The following ZNF423 variants were observed in gnomAD, a reference collection of about 807,000 sequenced individuals.
The protein encoded by ZNF423 is zinc finger protein 423.
Under a neutral mutation model 95.8 loss-of-function variants are expected in ZNF423, and 12 were observed. That is an observed-to-expected ratio of 0.13 (90% CI 0.08 to 0.20). The LOEUF is 0.20. Ranked by LOEUF, ZNF423 falls within the 10% of genes least tolerant of loss-of-function variation. The probability of loss-of-function intolerance (pLI) is 1.00; values close to 1 mark genes in which losing one functional copy is unlikely to be tolerated. For missense variants in ZNF423, 1,316 were observed against 1,737.1 expected (o/e 0.76, Z 4.31); for synonymous variants, 749 against 711.9 (o/e 1.05, Z -0.83).
chr16:49,832,588 G>T (rs184351560), intron 1 of ZNF423, among the ~76,000 whole-genome samples: 17 of 152,304 alleles, frequency 1.1e-4, no homozygotes, highest in Admixed American at 9.8e-4. Context: ...GAAGGGTACA[G>T]CCAAAAGATG....
intron 5 of ZNF423, among the ~76,000 whole-genome samples, chr16:49,596,257 C>T (rs1308037082): frequency 6.6e-6 from 1 of 152,200 alleles, no homozygotes; most frequent in Non-Finnish European, 1.5e-5. Context: ...ATAGATTTGT[C>T]AAAGGAGCAC....
At chr16:49,555,849 A>AT (rs1969806340) in intron 5 of ZNF423, among the ~76,000 whole-genome samples, 2 of 152,130 alleles carry the variant, frequency 1.3e-5, no homozygotes, top group Admixed American at 6.5e-5. Context: ...GGATGGATGG[A>AT]TTGATGGGAT....
intron 3 of ZNF423, among the ~76,000 whole-genome samples, chr16:49,640,486 G>T (rs1972935926): frequency 6.6e-6 from 1 of 152,142 alleles, no homozygotes; most frequent in South Asian, 2.1e-4. Flanking sequence ...TGCCTCTGCT[G>T]TCCCAGGCCG....
In ZNF423 at chr16:49,488,028, T is replaced by C. The variant is rs1461012144; in HGVS notation, c.*3247A>G. On this transcript the variant is annotated 3_prime_UTR_variant, in exon 8 of 8. Coordinates refer to ENST00000563137, the MANE Select transcript of ZNF423 (RefSeq NM_001379286.1). ...TGAGGCCAGGGACCACATCTGCTGGTCATCTCCTTATCCCCAGTGCCCTGT... is the reference window on the plus strand; with the variant it reads ...TGAGGCCAGGGACCACATCTGCTGGCCATCTCCTTATCCCCAGTGCCCTGT... The C allele has an allele frequency of 1.3e-5, 2 of 152,190 alleles. No individual in the cohort carries two copies. Among genetic ancestry groups the C allele is most frequent in the Admixed American group, 6.5e-5 (1 of 15,290 alleles). The allele number at this position is 152,190 out of a possible 1,614,324, so 9.4% of individuals were successfully genotyped here.
rs1009884491 is a variant in ZNF423, at chr16:49,730,759, G to C, written c.301+12C>G. On this transcript the variant is annotated intron_variant, in intron 3 of 7. Coordinates refer to ENST00000563137, the MANE Select transcript of ZNF423 (RefSeq NM_001379286.1). ...AACCACCTGTCAGAGTCCTGGGGCTGTTTTGCATTACCTCCAGGACAGCGG... is the reference window on the plus strand; with the variant it reads ...AACCACCTGTCAGAGTCCTGGGGCTCTTTTGCATTACCTCCAGGACAGCGG... The C allele has an allele frequency of 1.9e-6, 3 of 1,614,092 alleles. No homozygotes were observed. The highest frequency in any genetic ancestry group is 2.5e-6 in the Non-Finnish European group (3 of 1,180,014).
intron 2 of ZNF423, among the ~76,000 whole-genome samples, chr16:49,761,131 C>T (rs1163191515): frequency 2.0e-5 from 3 of 152,150 alleles, no homozygotes; most frequent in Non-Finnish European, 4.4e-5. Flanking sequence ...GAGAGAGGTT[C>T]AGCCCAGGTT....
At chr16:49,599,079 G>A (rs1971274149) in intron 5 of ZNF423, among the ~76,000 whole-genome samples, 1 of 152,146 alleles carries the variant, frequency 6.6e-6, no homozygotes, top group South Asian at 2.1e-4. Context: ...CTCCCTAACT[G>A]TACACATGTG....
At chr16:49,626,825 T>C (rs111164063) in intron 4 of ZNF423, among the ~76,000 whole-genome samples, 18 of 119,766 alleles carry the variant, frequency 1.5e-4, no homozygotes, top group Middle Eastern at 6.4e-3. Flanking sequence ...CATCTACATA[T>C]ACACCCACCA....
At chr16:49,634,094 G>C in intron 4 of ZNF423, among the ~76,000 whole-genome samples, 1 of 151,844 alleles carries the variant, frequency 6.6e-6, no homozygotes, top group East Asian at 1.9e-4. Context: ...TTTTAGTAGA[G>C]ACGGGGTTTC....
At chr16:49,515,833 T>A (rs796584885) in intron 7 of ZNF423, among the ~76,000 whole-genome samples, 9 of 152,184 alleles carry the variant, frequency 5.9e-5, no homozygotes, top group African/African-American at 2.2e-4. Flanking sequence ...CCGTGCCCAG[T>A]GTCTGTGGGC....
intron 5 of ZNF423, among the ~76,000 whole-genome samples, chr16:49,557,850 G>C (rs1969884575): frequency 6.6e-6 from 1 of 152,198 alleles, no homozygotes; most frequent in Admixed American, 6.5e-5. Flanking sequence ...AGCCCTGCAA[G>C]GAAGTGATCA....
intron 5 of ZNF423, among the ~76,000 whole-genome samples, chr16:49,581,937 A>G (rs1446880438): frequency 6.6e-6 from 1 of 152,182 alleles, no homozygotes; most frequent in Non-Finnish European, 1.5e-5. Context: ...TTTCCCAAGC[A>G]ATAACCAGGG....
At chr16:49,747,324 G>GAA (rs11402071) in intron 2 of ZNF423, among the ~76,000 whole-genome samples, 15 of 150,534 alleles carry the variant, frequency 1.0e-4, no homozygotes, top group African/African-American at 2.0e-4. Context: ...TTGAGAGAGG[G>GAA]AAAAAAAAAG....
chr16:49,853,883 A>G (rs2035328328), intron 1 of ZNF423: 6 of 985,410 alleles, frequency 6.1e-6, no homozygotes, highest in African/African-American at 1.7e-5. Context: ...AAGTCTAGGT[A>G]AGCAAGCTTT....
Position 49,636,452 on chromosome 16 carries a change from C to T in ZNF423, c.2724G>A (p.Leu908=), listed in dbSNP as rs933283599. ...ICGAAYTMEV[L]LQNHRLRDHN... ...GGTCCCGCAGCCGGTGATTCTGCAG[C>T]AGCACCTCCATGGTGTAGGCCGCCC... The change falls in exon 4 of 8, where the codon CTG becomes CTA. Residue 908 remains leucine (L), a synonymous_variant. Transcript: ENST00000563137. This position sits in a 1 kb window ranked among gnomAD's most constrained non-coding sequence, Gnocchi z 8.6. 6.2e-7 allele frequency: 1 copy of T among 1,613,506 alleles called. No homozygotes were observed. Among genetic ancestry groups the T allele is most frequent in the Admixed American group, 1.7e-5 (1 of 60,028 alleles).
intron 7 of ZNF423, among the ~76,000 whole-genome samples, chr16:49,504,772 G>C (rs1316855913): frequency 6.6e-6 from 1 of 152,220 alleles, no homozygotes; most frequent in Non-Finnish European, 1.5e-5. Context: ...AGTGCAAGCA[G>C]AGGGGCTTTC....
chr16:49,842,303 G>T (rs569262506), intron 1 of ZNF423, among the ~76,000 whole-genome samples: 1 of 40,194 alleles, frequency 2.5e-5, no homozygotes, highest in East Asian at 5.1e-4. Context: ...GGAGGGGAGG[G>T]GAGGCGAGGG....
At chr16:49,676,445 G>A (rs2031052004) in intron 3 of ZNF423, among the ~76,000 whole-genome samples, 1 of 152,168 alleles carries the variant, frequency 6.6e-6, no homozygotes, top group African/African-American at 2.4e-5. Flanking sequence ...AGGTCCACAA[G>A]GCTGCCTGAC....
intron 1 of ZNF423, among the ~76,000 whole-genome samples, chr16:49,807,399 C>T (rs914583587): frequency 2.0e-5 from 3 of 151,746 alleles, no homozygotes; most frequent in African/African-American, 7.3e-5. Context: ...CACTGCACTC[C>T]AGCCTAGGCG....
Sources: allele counts gnomAD v4.1 joint callset (sites outside exome capture counted in the v4.1 genomes callset), GRCh38; gene constraint gnomAD v4.1.1; non-coding constraint Gnocchi (gnomAD v3.1); transcripts MANE v1.5; gene names NCBI Gene and HGNC (gene_info 2026-07-23, HGNC 2026-07-21).